The following TRAPPC8 variants were observed in gnomAD, a reference collection of about 807,000 sequenced individuals.
TRAPPC8 encodes the protein trafficking protein particle complex subunit 8.
In TRAPPC8, 54 loss-of-function variants were observed where a neutral mutation model predicts 174.3. That is an observed-to-expected ratio of 0.31 (90% CI 0.25 to 0.39). The LOEUF is 0.39. Ranked by LOEUF, TRAPPC8 falls within the 10% of genes least tolerant of loss-of-function variation. TRAPPC8 has a pLI of 1.00. For missense variants in TRAPPC8, 1,531 were observed against 1,699.1 expected, an observed-to-expected ratio of 0.90 and a Z score of 1.74; for synonymous variants, 630 against 579.9, an observed-to-expected ratio of 1.09 and a Z score of -1.24.
At chr18:31,940,928 T>C (rs2038310151) in intron 1 of TRAPPC8, among the ~76,000 whole-genome samples, 1 of 152,368 alleles carries the variant, frequency 6.6e-6, no homozygotes, top group East Asian at 1.9e-4. Flanking sequence ...TGAGTCACAC[T>C]GCCTGTTTCA....
At chr18:31,903,157 C>A (rs1448997408) in intron 9 of TRAPPC8, among the ~76,000 whole-genome samples, 1 of 151,786 alleles carries the variant, frequency 6.6e-6, no homozygotes, top group African/African-American at 2.4e-5. Context: ...CCCTGTGACA[C>A]TGGAAGTGGC....
intron 2 of TRAPPC8, among the ~76,000 whole-genome samples, chr18:31,922,110 A>AG (rs2037416040): frequency 6.6e-6 from 1 of 152,138 alleles, no homozygotes; most frequent in African/African-American, 2.4e-5. Context: ...TATGTGTTTG[A>AG]GGGGAAAAAA....
rs1163379072 is a variant in TRAPPC8, at chr18:31,857,722, T to C, written c.3006A>G (p.Val1002=). The C allele has an allele frequency of 6.2e-7, 1 of 1,614,188 alleles. No individual in the cohort carries two copies. The highest frequency in any genetic ancestry group is 2.2e-5 in the East Asian group (1 of 44,880). ...GACTTCCTGTGCCAATGCCAAAGTC[T>C]ACAGAAGAAGCTGATGATATGAGTG... ...CTALISSASS[V]DFGIGTGSQP... Residue 1002 remains valine (V), a synonymous_variant, in exon 20 of 29, where the codon GTA becomes GTG. Coordinates refer to ENST00000283351, the MANE Select transcript of TRAPPC8 (RefSeq NM_014939.5).
intron 2 of TRAPPC8, among the ~76,000 whole-genome samples, chr18:31,923,903 T>C (rs1446914957): frequency 1.3e-5 from 2 of 152,164 alleles, no homozygotes; most frequent in African/African-American, 4.8e-5. Flanking sequence ...TCCCAGCACT[T>C]TGGGAGGCCA....
chr18:31,864,773 A>C lies in TRAPPC8; in HGVS notation c.2599T>G (p.Ser867Ala), dbSNP rs759056982. 2.5e-6 allele frequency: 4 copies of C among 1,600,654 alleles called. No homozygotes were observed. The highest frequency in any genetic ancestry group is 3.4e-6 in the Non-Finnish European group (4 of 1,175,364). Residue 867 changes from serine (S) to alanine (A), a missense_variant, in exon 19 of 29, where the codon TCC becomes GCC. Ser to Ala is a moderately conservative substitution (Grantham distance 99, BLOSUM62 1). Coordinates refer to ENST00000283351, the MANE Select transcript of TRAPPC8 (RefSeq NM_014939.5). The part of the protein sequence containing the change: ...ALPGCHTGKY[S>A]LSMSVRGKQD... ...TTCCCTCGGACTGACATACTCAAGG[A>C]ATATTTTCCTGAAATAAAAAACAAT...
intron 1 of TRAPPC8, among the ~76,000 whole-genome samples, chr18:31,931,754 G>GGTCCTCTC (rs1188042027): frequency 4.6e-5 from 7 of 152,226 alleles, no homozygotes; most frequent in Admixed American, 2.0e-4. Context: ...CTACTGCTCA[G>GGTCCTCTC]CTTTCCTACT....
At chr18:31,833,195 T>C (rs143739685) in intron 27 of TRAPPC8, 1 of 152,344 alleles carries the variant, frequency 6.6e-6, no homozygotes, top group East Asian at 1.9e-4. Flanking sequence ...TCCAATTGCA[T>C]AATTTGTAGC....
intron 18 of TRAPPC8, among the ~76,000 whole-genome samples, chr18:31,866,612 C>T (rs925912838): frequency 1.6e-4 from 24 of 151,974 alleles, no homozygotes; most frequent in African/African-American, 4.6e-4. Context: ...GAAAAAAATA[C>T]AGTCTAAAAA....
intron 19 of TRAPPC8, 57 bp from the exon 20 acceptor site, chr18:31,858,039 T>C (rs2034124566): frequency 7.0e-7 from 1 of 1,433,688 alleles, no homozygotes; most frequent in Non-Finnish European, 9.4e-7. Context: ...GAACCTCTAA[T>C]GAATAACACT....
At chr18:31,856,728 A>G (rs1274739802) in intron 20 of TRAPPC8, among the ~76,000 whole-genome samples, 2 of 152,138 alleles carry the variant, frequency 1.3e-5, no homozygotes, top group East Asian at 3.8e-4. Context: ...CTTTACAAAT[A>G]AAATATATAC....
At chr18:31,891,969 G>T (rs927576340) in intron 11 of TRAPPC8, among the ~76,000 whole-genome samples, 1 of 152,122 alleles carries the variant, frequency 6.6e-6, no homozygotes, top group African/African-American at 2.4e-5. Context: ...TTAGATGATT[G>T]CTCTAGTAAT....
intron 3 of TRAPPC8, 148 bp from the exon 4 acceptor site, chr18:31,916,594 G>A (rs940268699): frequency 3.7e-5 from 27 of 729,704 alleles, no homozygotes; most frequent in Non-Finnish European, 4.4e-5. Context: ...GAGCAGTGGC[G>A]TGATCTCGAC....
chr18:31,909,854 C>G, intron 5 of TRAPPC8, 94 bp from the exon 6 acceptor site: 1 of 804,794 alleles, frequency 1.2e-6, no homozygotes, highest in Non-Finnish European at 1.8e-6. Flanking sequence ...ACTCTGCTAA[C>G]TGTTGGCCTC....
chr18:31,887,840 T>C (rs2035790366), intron 12 of TRAPPC8, among the ~76,000 whole-genome samples: 1 of 151,978 alleles, frequency 6.6e-6, no homozygotes, highest in Admixed American at 6.6e-5. Context: ...GTATTGGACG[T>C]TCTGGCCAGG....
At chr18:31,857,039 CT>C (rs1449427735) in intron 20 of TRAPPC8, among the ~76,000 whole-genome samples, 2 of 152,072 alleles carry the variant, frequency 1.3e-5, no homozygotes, top group Non-Finnish European at 2.9e-5. Flanking sequence ...AGCCAGTTAG[CT>C]TTGATTTCTT....
At chr18:31,833,662 C>T (rs1268374253) in intron 27 of TRAPPC8, among the ~76,000 whole-genome samples, 1 of 152,158 alleles carries the variant, frequency 6.6e-6, no homozygotes, top group East Asian at 1.9e-4. Flanking sequence ...ACCTGCTGGG[C>T]CTACTCTCAG....
intron 8 of TRAPPC8, 113 bp from the exon 9 acceptor site, chr18:31,907,723 G>A: frequency 1.1e-6 from 1 of 887,060 alleles, no homozygotes; most frequent in South Asian, 3.7e-5. Flanking sequence ...AACTAATGCT[G>A]TTTCAAAGAA....
rs781717239 is a variant in TRAPPC8, at chr18:31,839,393, G to A, written c.3902C>T (p.Pro1301Leu). The A allele has an allele frequency of 1.9e-6, 3 of 1,611,764 alleles. No homozygotes were observed. Among genetic ancestry groups the A allele is most frequent in the Non-Finnish European group, 2.5e-6 (3 of 1,178,994 alleles). ...GAGACTAGAAAGCTGCTCTACTGAT[G>A]GCCTTGAGGAAACTGTAATGTTTTC... ...RPENITVSSR[P>L]SVEQLSSLIK... The change falls in exon 27 of 29, where the codon CCA (proline) becomes CTA (leucine). Residue 1301 changes from proline (P) to leucine (L), a missense_variant. By Grantham distance (98) the Pro-to-Leu change is moderately conservative. Coordinates refer to ENST00000283351, the MANE Select transcript of TRAPPC8 (RefSeq NM_014939.5).
chr18:31,925,893 C>T (rs2037594772), intron 2 of TRAPPC8, among the ~76,000 whole-genome samples: 1 of 152,142 alleles, frequency 6.6e-6, no homozygotes, highest in Admixed American at 6.6e-5. Flanking sequence ...AAAATAAGAA[C>T]ATTTTCCAAC....
Sources: gnomAD v4.1 joint callset for allele counts (sites outside exome capture counted in the v4.1 genomes callset) on GRCh38, gnomAD v4.1.1 for gene constraint, MANE v1.5 for transcripts, NCBI Gene and HGNC (gene_info 2026-07-23, HGNC 2026-07-21) for gene names.